Variants in RARB observed in about 807,000 individuals in gnomAD.
The protein encoded by RARB is retinoic acid receptor beta.
Under a neutral mutation model 51.9 loss-of-function variants are expected in RARB, and 17 were observed. The ratio of observed to expected loss-of-function variants is 0.33; its 90% CI spans 0.22 to 0.49. The LOEUF (loss-of-function observed/expected upper bound fraction) is 0.49, where lower values mean the gene tolerates loss of function less well. RARB is among the 20% of genes least tolerant of loss of function. The probability of loss-of-function intolerance (pLI) is 0.99; values close to 1 mark genes in which losing one functional copy is unlikely to be tolerated. For synonymous variants in RARB, 215 were observed against 195.4 expected (o/e 1.10, Z -0.84); for missense variants, 369 against 550.8 (o/e 0.67, Z 3.30).
intron 2 of RARB, among the ~76,000 whole-genome samples, chr3:24,987,089 C>T (rs1011770394): frequency 4.6e-5 from 7 of 152,164 alleles, no homozygotes; most frequent in African/African-American, 1.7e-4. Flanking sequence ...TGCTATAACT[C>T]TTCTTAGCTT....
At chr3:25,509,956 G>A (rs1016540931) in intron 3 of RARB, among the ~76,000 whole-genome samples, 2 of 152,118 alleles carry the variant, frequency 1.3e-5, no homozygotes, top group South Asian at 2.1e-4. Flanking sequence ...ACCAACTCCT[G>A]TCCACCCTGT....
At chr3:25,199,364 G>C (rs149399053) in intron 5 of RARB, among the ~76,000 whole-genome samples, 4 of 151,976 alleles carry the variant, frequency 2.6e-5, no homozygotes, top group Non-Finnish European at 4.4e-5. Flanking sequence ...AATATAGTTA[G>C]AATGAATAAG....
intron 3 of RARB, among the ~76,000 whole-genome samples, chr3:25,121,710 A>G (rs1699785141): frequency 6.6e-6 from 1 of 152,208 alleles, no homozygotes; most frequent in African/African-American, 2.4e-5. Context: ...GGAGGTGTTT[A>G]GTAAATACTT....
At chr3:25,317,159 G>T (rs1428789266) in intron 5 of RARB, among the ~76,000 whole-genome samples, 2 of 143,802 alleles carry the variant, frequency 1.4e-5, no homozygotes, top group Non-Finnish European at 3.1e-5. Flanking sequence ...ATAAGTGTTA[G>T]GTGCCTTGTC....
rs904497059 is a variant in RARB at position 25,223,008 on chromosome 3, T to C, written c.178+48433T>C. 2.0e-5 allele frequency among the ~76,000 whole-genome samples: 3 copies of C among 152,356 alleles called. No homozygotes were observed. In the East Asian group the frequency reaches 5.8e-4, roughly 29 times the overall value. ...TTTAAGAAGGTAGATAGAAATAATA[T>C]ATTATTTTTTAGCTTTATCGAGGTG... On this transcript the variant is annotated intron_variant, in intron 5 of 11. Coordinates refer to the RARB transcript ENST00000383772.
At chr3:25,151,978 A>G (rs1700294478) in intron 4 of RARB, among the ~76,000 whole-genome samples, 1 of 152,140 alleles carries the variant, frequency 6.6e-6, no homozygotes, top group African/African-American at 2.4e-5. Context: ...AGGGAAAATG[A>G]CATTCTTCTT....
chr3:25,038,350 AT>A (rs1698042353), intron 2 of RARB, among the ~76,000 whole-genome samples: 1 of 151,518 alleles, frequency 6.6e-6, no homozygotes, highest in African/African-American at 2.4e-5. Context: ...GATGAAAAAA[AT>A]TGTCTAATGG....
chr3:25,254,614 A>G (rs1702815698), intron 5 of RARB, among the ~76,000 whole-genome samples: 1 of 151,844 alleles, frequency 6.6e-6, no homozygotes. Context: ...GGGGGGTGCT[A>G]TTGAAATCAT....
At chr3:25,424,888 G>A (rs1707948319), upstream of RARB, among the ~76,000 whole-genome samples, 1 of 152,192 alleles carries the variant, frequency 6.6e-6, no homozygotes, top group African/African-American at 2.4e-5. Context: ...ACGAAAACCA[G>A]AGAAACAGAT....
Position 25,059,029 on chromosome 3 carries a change from T to C in RARB, c.-379-1096T>C, listed in dbSNP as rs182612107. 4.5e-3 allele frequency among the ~76,000 whole-genome samples: 688 copies of C among 151,798 alleles called. 6 individuals are homozygous for C. Among genetic ancestry groups the C allele is most frequent in the African/African-American group, 0.016 (650 of 41,494 alleles). ...TGCCTTGGCCAGTATCCCAGTCACT[T>C]TCTAACACATGCATAAATATTTATA... On this transcript the variant is annotated intron_variant, in intron 2 of 11. Transcript: ENST00000383772.
chr3:25,062,352 C>A (rs1698567133), intron 3 of RARB, among the ~76,000 whole-genome samples: 1 of 151,882 alleles, frequency 6.6e-6, no homozygotes, highest in Non-Finnish European at 1.5e-5. Flanking sequence ...CATAGGAAAT[C>A]TCTACTCTTA....
rs559607900 is a variant in RARB at position 25,118,361 on chromosome 3, C to T, written c.-327-13800C>T. On this transcript the variant is annotated intron_variant, in intron 3 of 11. Coordinates refer to the RARB transcript ENST00000383772. ...TTGTCACTTTATCATGATCTGCCATCTATCCCAGGATGGAATGTGGAGTAT... is the reference window on the plus strand; with the variant it reads ...TTGTCACTTTATCATGATCTGCCATTTATCCCAGGATGGAATGTGGAGTAT... Among the ~76,000 whole-genome samples the T allele has an allele frequency of 3.3e-5, 5 of 152,286 alleles. No homozygotes were observed. The South Asian group carries it at 8.3e-4, about 25-fold the overall frequency.
At chr3:25,410,058 T>C (rs1232901472) in intron 5 of RARB, among the ~76,000 whole-genome samples, 1 of 152,258 alleles carries the variant, frequency 6.6e-6, no homozygotes. Context: ...TTTCATTCAT[T>C]GTCTTAGCCT....
rs74416184 is a variant in RARB at position 25,207,554 on chromosome 3, A to G, written c.178+32979A>G. ...TAACTAGTAAAATTACAAAACATAAATAAAAATGCCAGTATTTCCCTTCCC... is the reference window on the plus strand; with the variant it reads ...TAACTAGTAAAATTACAAAACATAAGTAAAAATGCCAGTATTTCCCTTCCC... On this transcript the variant is annotated intron_variant, in intron 5 of 11. Coordinates refer to the RARB transcript ENST00000383772. Among the ~76,000 whole-genome samples, 122 of 152,338 alleles carry G rather than the reference A, an allele frequency of 8.0e-4. 1 individual carries two copies. The East Asian group carries it at 0.023, about 28-fold the overall frequency.
At chr3:25,237,097 A>C in intron 5 of RARB, among the ~76,000 whole-genome samples, 1 of 150,764 alleles carries the variant, frequency 6.6e-6, no homozygotes, top group Non-Finnish European at 1.5e-5. Context: ...CATTTAATAA[A>C]GGTCTCCTTT....
intron 3 of RARB, among the ~76,000 whole-genome samples, chr3:25,106,650 AG>A (rs752203495): frequency 4.3e-5 from 4 of 93,602 alleles, no homozygotes; most frequent in Non-Finnish European, 8.5e-5. Flanking sequence ...CTTAGGCTGC[AG>A]TATTTTTTTT....
At chr3:25,239,990 G>A (rs1257315722) in intron 5 of RARB, among the ~76,000 whole-genome samples, 1 of 150,048 alleles carries the variant, frequency 6.7e-6, no homozygotes, top group Non-Finnish European at 1.5e-5. Context: ...AGCTTTCCTT[G>A]TAGTGGTCTT....
At chr3:25,220,960 T>A (rs534895580) in intron 5 of RARB, among the ~76,000 whole-genome samples, 2 of 152,198 alleles carry the variant, frequency 1.3e-5, no homozygotes, top group South Asian at 4.1e-4. Flanking sequence ...TGTAAAGCAA[T>A]GGATTATGTA....
At chr3:25,033,769 T>C (rs989879804) in intron 2 of RARB, among the ~76,000 whole-genome samples, 1 of 152,178 alleles carries the variant, frequency 6.6e-6, no homozygotes, top group Non-Finnish European at 1.5e-5. Flanking sequence ...AGGGGATTCT[T>C]GGAAACAAAT....
Sources: gnomAD v4.1 joint callset for allele counts (sites outside exome capture counted in the v4.1 genomes callset) on GRCh38, gnomAD v4.1.1 for gene constraint, MANE v1.5 for transcripts, NCBI Gene and HGNC (gene_info 2026-07-23, HGNC 2026-07-21) for gene names.